The following PMPCB variants were observed in gnomAD, a reference collection of about 807,000 sequenced individuals.
PMPCB encodes mitochondrial-processing peptidase subunit beta.
PMPCB carries 46 observed loss-of-function variants against 61.5 expected under a neutral mutation model. The ratio of observed to expected loss-of-function variants is 0.75; its 90% CI spans 0.59 to 0.96. The LOEUF is 0.96. Among genes scored for constraint, PMPCB ranks in the 40% least tolerant of loss-of-function variants. The pLI is 0.00. For synonymous variants in PMPCB, 191 were observed against 201.6 expected, an observed-to-expected ratio of 0.95 and a Z score of 0.44; for missense variants, 590 against 602.4, an observed-to-expected ratio of 0.98 and a Z score of 0.22.
At chr7:103,310,232 C>G in intron 8 of PMPCB, 83 bp from the exon 9 acceptor site, 2 of 1,021,010 alleles carry the variant, frequency 2.0e-6, no homozygotes, top group South Asian at 2.8e-5. Flanking sequence ...AGGATATTCA[C>G]TATTTTCCAC....
chr7:103,309,489 G>A (rs937384827), intron 8 of PMPCB, among the ~76,000 whole-genome samples: 4 of 151,854 alleles, frequency 2.6e-5, no homozygotes, highest in African/African-American at 9.7e-5. Context: ...TTTTTTTTTG[G>A]TCACTTCCTA....
chr7:103,315,920 T>C (rs1818028167), downstream of PMPCB: 1 of 1,535,460 alleles, frequency 6.5e-7, no homozygotes, highest in East Asian at 2.3e-5. Context: ...ATTTAATCTT[T>C]CATTAAATTG....
the PMPCB span, among the ~76,000 whole-genome samples, chr7:103,340,520 T>C: frequency 1.3e-5 from 2 of 152,222 alleles, no homozygotes; most frequent in South Asian, 4.1e-4. Flanking sequence ...TTTATAAGCA[T>C]CCTTTTATTA....
the PMPCB span, among the ~76,000 whole-genome samples, chr7:103,345,891 G>A: frequency 6.6e-6 from 1 of 151,920 alleles, no homozygotes; most frequent in South Asian, 2.1e-4. Context: ...GTTGCAGTGA[G>A]CTGAGATCAC....
the PMPCB span, among the ~76,000 whole-genome samples, chr7:103,346,427 G>C: frequency 6.6e-6 from 1 of 152,134 alleles, no homozygotes. Context: ...CACGGTGCCC[G>C]GTCGGGGGTT....
At chr7:103,344,455 T>G in the PMPCB span, 1 of 1,327,762 alleles carries the variant, frequency 7.5e-7, no homozygotes, top group Non-Finnish European at 1.1e-6. Flanking sequence ...GCCCCGGGGC[T>G]AGTCGCCAGG....
At chr7:103,321,992 T>C in intron 12 of PMPCB, 1 of 1,614,156 alleles carries the variant, frequency 6.2e-7, no homozygotes, top group East Asian at 2.2e-5. Context: ...GGATATCTTT[T>C]TCCTTCTTTG....
the PMPCB span, among the ~76,000 whole-genome samples, chr7:103,340,898 A>G: frequency 6.6e-6 from 1 of 152,196 alleles, no homozygotes; most frequent in African/African-American, 2.4e-5. Flanking sequence ...GTCTTCACAT[A>G]GTCAAACTTG....
At chr7:103,341,992 G>T in the PMPCB span, 6 of 1,433,702 alleles carry the variant, frequency 4.2e-6, no homozygotes, top group South Asian at 4.5e-5. Flanking sequence ...TCAGTGTATC[G>T]CATGGAATAA....
At chr7:103,342,763 C>T in the PMPCB span, among the ~76,000 whole-genome samples, 3 of 151,618 alleles carry the variant, frequency 2.0e-5, no homozygotes, top group African/African-American at 7.3e-5. Flanking sequence ...CACCCGCCAC[C>T]ACCCCCGGCT....
At chr7:103,339,213 T>C in the PMPCB span, among the ~76,000 whole-genome samples, 1 of 152,244 alleles carries the variant, frequency 6.6e-6, no homozygotes, top group Non-Finnish European at 1.5e-5. Context: ...GCAGTAATAC[T>C]GTCTTGTTCA....
intron 12 of PMPCB, among the ~76,000 whole-genome samples, chr7:103,321,470 A>G (rs1021652718): frequency 5.3e-5 from 8 of 151,716 alleles, no homozygotes; most frequent in African/African-American, 1.2e-4. Flanking sequence ...GTGAGCCAAA[A>G]TCGTGCCATT....
the PMPCB span, chr7:103,344,624 A>G: frequency 6.2e-7 from 1 of 1,610,208 alleles, no homozygotes; most frequent in Non-Finnish European, 8.5e-7. Context: ...AAGCAGCATG[A>G]TGGCGCCGGG....
chr7:103,347,194 A>C, the PMPCB span, among the ~76,000 whole-genome samples: 1 of 152,142 alleles, frequency 6.6e-6, no homozygotes, highest in Non-Finnish European at 1.5e-5. Context: ...CATCCTTTCC[A>C]ACACTTATTT....
the PMPCB span, among the ~76,000 whole-genome samples, chr7:103,340,142 T>C: frequency 3.9e-5 from 6 of 152,214 alleles, no homozygotes; most frequent in African/African-American, 1.2e-4. Context: ...CCTGCCTCTT[T>C]TTCCCTCTTG....
At chr7:103,320,357 G>C (rs1458978596) in intron 12 of PMPCB, among the ~76,000 whole-genome samples, 1 of 151,964 alleles carries the variant, frequency 6.6e-6, no homozygotes, top group African/African-American at 2.4e-5. Context: ...CAAAGTGCTG[G>C]TTACAGGTGT....
intron 12 of PMPCB, chr7:103,322,544 T>A (rs1253502285): frequency 2.6e-6 from 4 of 1,555,502 alleles, no homozygotes; most frequent in Non-Finnish European, 3.5e-6. Flanking sequence ...TCCGTTTAGC[T>A]TCTGCTTTTG....
chr7:103,344,526 G>A, the PMPCB span: 4 of 1,612,778 alleles, frequency 2.5e-6, no homozygotes, highest in Non-Finnish European at 3.4e-6. Flanking sequence ...GGCAGCTGAG[G>A]TGAGAAGGAA....
At chr7:103,343,093 G>A in the PMPCB span, among the ~76,000 whole-genome samples, 7 of 151,778 alleles carry the variant, frequency 4.6e-5, no homozygotes, top group South Asian at 1.0e-3. Flanking sequence ...TCCGCCTCCC[G>A]GGTTCAAACG....
Sources: gnomAD v4.1 joint callset for allele counts (sites outside exome capture counted in the v4.1 genomes callset) on GRCh38, gnomAD v4.1.1 for gene constraint, MANE v1.5 for transcripts, NCBI Gene and HGNC (gene_info 2026-07-23, HGNC 2026-07-21) for gene names.